PPP1R17: variants seen among roughly 807,000 people sequenced by gnomAD.
The protein encoded by PPP1R17 is G-substrate.
A neutral mutation model predicts 15.9 loss-of-function variants in PPP1R17; 12 were observed. That is an observed-to-expected ratio of 0.75 (90% CI 0.48 to 1.22). The LOEUF is 1.22. Among genes scored for constraint, PPP1R17 ranks in the 50% most tolerant of loss-of-function variants. The pLI, the probability that PPP1R17 is intolerant of heterozygous loss-of-function variation, is 0.00. For synonymous variants in PPP1R17, 63 were observed against 64.5 expected (o/e 0.98, Z 0.11); for missense variants, 211 against 187.3 (o/e 1.13, Z -0.74).
chr7:31,707,697 CTG>C lies in PPP1R17; in HGVS notation c.*416_*417del, dbSNP rs1793131930. The C allele has an allele frequency of 5.9e-6, 1 of 168,126 alleles. No homozygotes were observed. Among genetic ancestry groups the C allele is most frequent in the Non-Finnish European group, 1.3e-5 (1 of 77,898 alleles). 10.4% of individuals were successfully genotyped at this position (168,126 alleles called of 1,614,324 possible). ...CAAGCACCAGTCCAAGTGGGGTTCC[CTG>C]TTGCCAGTTAGAGAGGTGAGAATGT... On this transcript the variant is annotated 3_prime_UTR_variant, in exon 5 of 5. Transcript: ENST00000342032.
In PPP1R17 at chr7:31,692,438, T is replaced by C; in HGVS notation, c.-4T>C. ...GAAGAAATACATCCACCCACCCTCCTTTGATGATGTCCACTGAGCAAATGC... is the reference window on the plus strand; with the variant it reads ...GAAGAAATACATCCACCCACCCTCCCTTGATGATGTCCACTGAGCAAATGC... On this transcript the variant is annotated 5_prime_UTR_variant, in exon 2 of 5. Coordinates refer to ENST00000342032, the MANE Select transcript of PPP1R17 (RefSeq NM_006658.5). 6.2e-7 allele frequency: 1 copy of C among 1,603,652 alleles called. No homozygotes were observed.
Position 31,696,921 on chromosome 7 carries a change from A to G in PPP1R17, c.236-44A>G, listed in dbSNP as rs929491572. ...GCACAGTCCTCATATATTAGGATAT[A>G]TGTATTTGATCCTGTTTCTCTCTGT... On this transcript the variant is annotated intron_variant, in intron 3 of 4. Transcript: ENST00000342032. 5 of 1,595,878 alleles carry G rather than the reference A, an allele frequency of 3.1e-6. No homozygotes were observed. The Admixed American group carries it at 8.5e-5, about 27-fold the overall frequency.
intron 1 of PPP1R17, among the ~76,000 whole-genome samples, chr7:31,692,128 A>G (rs1562694519): frequency 6.6e-6 from 1 of 152,186 alleles, no homozygotes; most frequent in Admixed American, 6.5e-5. Flanking sequence ...TTATTCTGAA[A>G]CTCTCAATGT....
At chr7:31,691,797 T>TAAAAAA (rs377169335) in intron 1 of PPP1R17, among the ~76,000 whole-genome samples, 13 of 86,522 alleles carry the variant, frequency 1.5e-4, no homozygotes, top group South Asian at 4.3e-4. Flanking sequence ...ATGTAATGAT[T>TAAAAAA]AAAAAAAAAA....
intron 4 of PPP1R17, among the ~76,000 whole-genome samples, chr7:31,705,682 T>C (rs1793035589): frequency 6.6e-6 from 1 of 152,190 alleles, no homozygotes; most frequent in Non-Finnish European, 1.5e-5. Flanking sequence ...AAAGGCCTCT[T>C]GTGGTGCACA....
intron 3 of PPP1R17, 103 bp downstream of exon 3, chr7:31,695,724 A>C (rs1792550839): frequency 8.2e-7 from 1 of 1,217,172 alleles, no homozygotes; most frequent in Non-Finnish European, 1.1e-6. Context: ...ATTTTAAAGT[A>C]ATTTGTGCAC....
intron 2 of PPP1R17, among the ~76,000 whole-genome samples, chr7:31,694,387 A>AACACACACACAC (rs533091870): frequency 0.028 from 4,010 of 141,626 alleles, 106 homozygotes; most frequent in African/African-American, 0.059. Flanking sequence ...CTCTCTCTCA[A>AACACACACACAC]ACACACACAC....
Position 31,695,609 on chromosome 7 carries a change from C to T in PPP1R17, c.223C>T (p.Pro75Ser), listed in dbSNP as rs962109426. 6.2e-7 allele frequency: 1 copy of T among 1,612,104 alleles called. No individual in the cohort carries two copies. Among genetic ancestry groups the T allele is most frequent in the Admixed American group, 1.7e-5 (1 of 59,604 alleles). Residue 75 changes from proline to serine, a missense_variant, in exon 3 of 5, where the codon CCT (proline) becomes TCT (serine). Transcript: ENST00000342032. ...RKDTPALHIP[P>S]FIPGVFSEHL... ...AGATACACCGGCGCTGCACATCCCA[C>T]CTTTCATACCAGGTAATGGACAAAG... is the stretch of plus-strand genomic sequence containing the variant.
chr7:31,703,549 G>A (rs767958315), intron 4 of PPP1R17, among the ~76,000 whole-genome samples: 4 of 152,242 alleles, frequency 2.6e-5, no homozygotes, highest in African/African-American at 4.8e-5. Flanking sequence ...GATATTGTGT[G>A]ATTCTAGCTT....
intron 4 of PPP1R17, among the ~76,000 whole-genome samples, chr7:31,698,830 G>A (rs924643049): frequency 1.3e-5 from 2 of 152,236 alleles, no homozygotes; most frequent in Admixed American, 1.3e-4. Flanking sequence ...CCGAGGAAGA[G>A]ATATTTAAGC....
At chr7:31,692,635 C>G in intron 2 of PPP1R17, 112 bp downstream of exon 2, 1 of 956,532 alleles carries the variant, frequency 1.0e-6, no homozygotes, top group Admixed American at 2.2e-5. Flanking sequence ...ACCTGATAGT[C>G]TGTGCCTTCT....
At chr7:31,692,385 C>A (rs888326476) in intron 1 of PPP1R17, 21 bp from the exon 2 acceptor site, 1 of 1,381,944 alleles carries the variant, frequency 7.2e-7, no homozygotes, top group African/African-American at 1.4e-5. Context: ...TACTTATTAA[C>A]TGTTTTTTAT....
intron 1 of PPP1R17, among the ~76,000 whole-genome samples, chr7:31,691,663 G>A (rs1192706248): frequency 6.6e-6 from 1 of 151,914 alleles, no homozygotes; most frequent in African/African-American, 2.4e-5. Context: ...TTGTTCTCAT[G>A]TCTGGAATCC....
At chr7:31,689,989 G>A (rs751048096) in intron 1 of PPP1R17, among the ~76,000 whole-genome samples, 20 of 152,212 alleles carry the variant, frequency 1.3e-4, no homozygotes, top group Non-Finnish European at 1.3e-4. Context: ...GAGCTATGCT[G>A]TGGAGGAAGC....
intron 1 of PPP1R17, 64 bp from the exon 2 acceptor site, chr7:31,692,338 CTTAG>C: frequency 1.1e-6 from 1 of 933,228 alleles, no homozygotes; most frequent in Non-Finnish European, 1.7e-6. Flanking sequence ...AATATATTTA[CTTAG>C]CAAATGATTG....
intron 1 of PPP1R17, among the ~76,000 whole-genome samples, chr7:31,691,479 C>A (rs1792339336): frequency 6.6e-6 from 1 of 152,156 alleles, no homozygotes; most frequent in Non-Finnish European, 1.5e-5. Flanking sequence ...GATACAGAAT[C>A]TAGCCAGGCT....
At position 31,707,516 on chromosome 7, in the gene PPP1R17, G is replaced by A. The variant is rs1027652785; in HGVS notation, c.*233G>A. The A allele has an allele frequency of 1.2e-5, 6 of 485,054 alleles. No homozygotes were observed. Among genetic ancestry groups the A allele is most frequent in the African/African-American group, 1.2e-4 (6 of 50,654 alleles). The allele number at this position is 485,054 out of a possible 1,614,324, so 30.0% of individuals were successfully genotyped here. On this transcript the variant is annotated 3_prime_UTR_variant, in exon 5 of 5. Coordinates refer to ENST00000342032, the MANE Select transcript of PPP1R17 (RefSeq NM_006658.5). ...TTGAATTTTTATTTTCTAATGCAGT[G>A]GAAAAGAAACAGATCATCCTAAATG... is the stretch of plus-strand genomic sequence containing the variant.
intron 2 of PPP1R17, among the ~76,000 whole-genome samples, chr7:31,694,368 GCT>G (rs58613705): frequency 1.2e-4 from 14 of 119,282 alleles, no homozygotes; most frequent in Admixed American, 1.7e-4. Context: ...AACAATTTTA[GCT>G]CTCTCTCTCT....
intron 2 of PPP1R17, 99 bp from the exon 3 acceptor site, chr7:31,695,370 C>T (rs1036192832): frequency 8.9e-7 from 1 of 1,124,614 alleles, no homozygotes; most frequent in Non-Finnish European, 1.3e-6. Context: ...GCCAAATCAC[C>T]TCTGTCCTGT....
Sources: allele counts gnomAD v4.1 joint callset (sites outside exome capture counted in the v4.1 genomes callset), GRCh38; gene constraint gnomAD v4.1.1; transcripts MANE v1.5; gene names NCBI Gene and HGNC (gene_info 2026-07-23, HGNC 2026-07-21).